Variants in BAZ1B observed in about 807,000 individuals in gnomAD.
BAZ1B encodes bromodomain adjacent to zinc finger domain 1B, also known as tyrosine-protein kinase BAZ1B.
In BAZ1B, 22 loss-of-function variants were observed where a neutral mutation model predicts 153.8. The observed-to-expected ratio is 0.14, with a 90% CI of 0.10 to 0.20. The LOEUF (loss-of-function observed/expected upper bound fraction) is 0.20. Ranked by LOEUF, BAZ1B falls within the 10% of genes least tolerant of loss-of-function variation. The pLI, the probability that BAZ1B is intolerant of heterozygous loss-of-function variation, is 1.00. For synonymous variants in BAZ1B, 676 were observed against 633.4 expected (o/e 1.07, Z -1.01); for missense variants, 1,325 against 1,799.3 (o/e 0.74, Z 4.77).
Position 73,450,651 on chromosome 7 carries a change from G to A in BAZ1B, c.3580+196C>T, listed in dbSNP as rs1414186230. The stretch of plus-strand genomic sequence containing the variant: ...TTGCTTTTATGTTATGCTCTAAACC[G>A]AGGAACAAAGGGCCTGCTCTGATTC... On this transcript the variant is annotated intron_variant, in intron 14 of 19. Transcript: ENST00000339594. This position sits in a 1 kb window ranked among gnomAD's most constrained non-coding sequence, Gnocchi z 4.1. Among the ~76,000 whole-genome samples, 2 of 152,064 alleles carry A rather than the reference G, an allele frequency of 1.3e-5. No individual in the cohort carries two copies. Among genetic ancestry groups the A allele is most frequent in the Non-Finnish European group, 1.5e-5 (1 of 68,018 alleles).
At chr7:73,460,997 C>T (rs1788375869) in intron 12 of BAZ1B, among the ~76,000 whole-genome samples, 1 of 151,288 alleles carries the variant, frequency 6.6e-6, no homozygotes, top group South Asian at 2.1e-4. Flanking sequence ...TTTTTTGAGA[C>T]GGAGTTTTGC....
At chr7:73,497,173 G>A (rs1789945520) in intron 4 of BAZ1B, among the ~76,000 whole-genome samples, 1 of 151,678 alleles carries the variant, frequency 6.6e-6, no homozygotes, top group South Asian at 2.1e-4. Flanking sequence ...GGCCAGGAAT[G>A]TCGAGGCTGC....
intron 7 of BAZ1B, 59 bp from the exon 8 acceptor site, chr7:73,470,542 A>T: frequency 6.3e-7 from 1 of 1,576,890 alleles, no homozygotes; most frequent in Non-Finnish European, 8.6e-7. Context: ...ACTCTTACAA[A>T]TTAAATAAAA....
chr7:73,497,339 G>GA (rs1789953925), intron 4 of BAZ1B, among the ~76,000 whole-genome samples: 1 of 152,110 alleles, frequency 6.6e-6, no homozygotes, highest in South Asian at 2.1e-4. Context: ...ACAGCAACAG[G>GA]AGGTCATTAG....
chr7:73,461,275 T>A (rs1242593183), intron 12 of BAZ1B, among the ~76,000 whole-genome samples: 2 of 151,770 alleles, frequency 1.3e-5, no homozygotes, highest in Non-Finnish European at 2.9e-5. Flanking sequence ...CGCGCCCGCA[T>A]GAACAAGACC....
intron 16 of BAZ1B, among the ~76,000 whole-genome samples, chr7:73,445,814 T>C (rs970902188): frequency 6.6e-6 from 1 of 151,994 alleles, no homozygotes; most frequent in South Asian, 2.1e-4. Flanking sequence ...TGAGCAGTGA[T>C]CATACCAGTG....
chr7:73,447,348 T>A lies in BAZ1B; in HGVS notation c.3760A>T (p.Ser1254Cys). ...NYTEESASED[S>C]EDDESDEEEE... ...TCTTCATCACTCTCATCATCTTCAC[T>A]GTCCTCAGAAGCAGACTCTTCAGTA... The change falls in exon 16 of 20, where the codon AGT (serine) becomes TGT (cysteine). Residue 1254 changes from serine (S) to cysteine (C), a missense_variant. Transcript: ENST00000339594. The A allele has an allele frequency of 6.2e-7, 1 of 1,613,694 alleles. No individual in the cohort carries two copies. Among genetic ancestry groups the A allele is most frequent in the Non-Finnish European group, 8.5e-7 (1 of 1,179,674 alleles).
chr7:73,470,848 G>A lies in BAZ1B; in HGVS notation c.2594-365C>T, dbSNP rs1164975743. The stretch of plus-strand genomic sequence containing the variant: ...CCTCCTGGGTTCAAGCAATTCTCCC[G>A]CCTCAGCCTCCTGTGTCGCTGGACT... On this transcript the variant is annotated intron_variant, in intron 7 of 19. Transcript: ENST00000339594. 3.3e-5 allele frequency among the ~76,000 whole-genome samples: 5 copies of A among 152,118 alleles called. No individual in the cohort carries two copies. The East Asian group carries it at 5.8e-4, about 18-fold the overall frequency.
intron 18 of BAZ1B, 37 bp from the exon 19 acceptor site, chr7:73,442,590 T>C (rs1787665273): frequency 7.0e-6 from 11 of 1,573,938 alleles, no homozygotes; most frequent in Non-Finnish European, 9.5e-6. Flanking sequence ...CTGCACAGCC[T>C]TGACGGCAGT....
At chr7:73,453,040 A>T (rs1204091157) in intron 13 of BAZ1B, among the ~76,000 whole-genome samples, 1 of 152,250 alleles carries the variant, frequency 6.6e-6, no homozygotes, top group Non-Finnish European at 1.5e-5. Flanking sequence ...GAGACAATCC[A>T]TTTTTATAAA....
At chr7:73,494,332 G>A (rs1049077265) in intron 4 of BAZ1B, among the ~76,000 whole-genome samples, 4 of 151,976 alleles carry the variant, frequency 2.6e-5, no homozygotes, top group East Asian at 1.9e-4. Context: ...GCAGTGAGCC[G>A]AGATCATGCC....
In BAZ1B at chr7:73,477,989, T is replaced by C; in HGVS notation, c.1472A>G (p.Lys491Arg). Reference sequence around the variant, plus strand: ...GATAACACAGGACAGGGCGCTCCTCTTGTCCTCCCTGTCTTTGTTTTCTTT... The same window carrying C: ...GATAACACAGGACAGGGCGCTCCTCCTGTCCTCCCTGTCTTTGTTTTCTTT... ...YYKENKDRED[K>R]RSALSCVISK... is the part of the protein sequence containing the mutation. Residue 491 changes from lysine to arginine, a missense_variant, in exon 7 of 20, where the codon AAG (lysine) becomes AGG (arginine). Around this residue, in one of 9 missense-constraint regions of BAZ1B, gnomAD observed 154 missense variants for 266.3 expected, o/e 0.58. Coordinates refer to ENST00000339594, the MANE Select transcript of BAZ1B (RefSeq NM_032408.4). The surrounding 1 kb of genome is among the most constrained non-coding windows in gnomAD (Gnocchi z 5.6). The C allele has an allele frequency of 6.2e-7, 1 of 1,614,110 alleles. No individual in the cohort carries two copies. The highest frequency in any genetic ancestry group is 1.3e-5 in the African/African-American group (1 of 75,026).
At chr7:73,487,751 A>G (rs1336625551) in intron 6 of BAZ1B, among the ~76,000 whole-genome samples, 2 of 152,220 alleles carry the variant, frequency 1.3e-5, no homozygotes, top group African/African-American at 4.8e-5. Flanking sequence ...TCTCCTCAAC[A>G]AACAAAAACA....
At position 73,496,724 on chromosome 7, in the gene BAZ1B, T is replaced by C. The variant is rs2116404313; in HGVS notation, c.571+1773A>G. Among the ~76,000 whole-genome samples the C allele has an allele frequency of 2.0e-5, 3 of 152,280 alleles. No individual in the cohort carries two copies. The South Asian group carries it at 6.2e-4, about 32-fold the overall frequency. ...CTAGGACATCATAGTTTCAGGATTT[T>C]ACCTGCTCCCGTGTGAGAGGGACTT... On this transcript the variant is annotated intron_variant, in intron 4 of 19. Transcript: ENST00000339594.
intron 12 of BAZ1B, among the ~76,000 whole-genome samples, chr7:73,460,192 GAAAAAAAAAAAAAAA>G (rs782211272): frequency 6.8e-5 from 5 of 73,872 alleles, no homozygotes; most frequent in African/African-American, 2.0e-4. Flanking sequence ...CCGTCTCAGG[GAAAAAAAAAAAAAAA>G]AAAAAAAAAA....
intron 6 of BAZ1B, among the ~76,000 whole-genome samples, chr7:73,482,327 T>A (rs1789234376): frequency 6.6e-6 from 1 of 152,186 alleles, no homozygotes; most frequent in African/African-American, 2.4e-5. Flanking sequence ...GCAGAGACCA[T>A]CCAAATTGCA....
At chr7:73,518,463 C>T (rs1163241919) in intron 1 of BAZ1B, among the ~76,000 whole-genome samples, 4 of 151,906 alleles carry the variant, frequency 2.6e-5, no homozygotes, top group Non-Finnish European at 4.4e-5. Flanking sequence ...TAAAAATCAA[C>T]GTAAGAGCTC....
intron 6 of BAZ1B, among the ~76,000 whole-genome samples, chr7:73,479,996 A>C (rs531813622): frequency 2.2e-4 from 34 of 151,988 alleles, no homozygotes; most frequent in African/African-American, 4.3e-4. Flanking sequence ...GGTGAAACCC[A>C]GTCTCTACTA....
At chr7:73,499,753 C>T (rs894244050) in intron 3 of BAZ1B, among the ~76,000 whole-genome samples, 1 of 152,166 alleles carries the variant, frequency 6.6e-6, no homozygotes. Flanking sequence ...CAAACTGACT[C>T]ATTTTTTTCA....
Sources: gnomAD v4.1 joint callset for allele counts (sites outside exome capture counted in the v4.1 genomes callset) on GRCh38, gnomAD v4.1.1 for gene constraint, gnomAD v4.1.1 regional missense constraint, Gnocchi (gnomAD v3.1) non-coding constraint, MANE v1.5 for transcripts, NCBI Gene and HGNC (gene_info 2026-07-23, HGNC 2026-07-21) for gene names.